The following SATL1 variants were observed in gnomAD, a reference collection of about 807,000 sequenced individuals.
The protein encoded by SATL1 is spermidine/spermine N(1)-acetyltransferase-like protein 1.
Under a neutral mutation model 51.8 loss-of-function variants are expected in SATL1, and 47 were observed. The ratio of observed to expected loss-of-function variants is 0.91; its 90% CI spans 0.72 to 1.16. SATL1 has a LOEUF of 1.16. Ranked by LOEUF, SATL1 falls within the 50% of genes most tolerant of loss-of-function variation. SATL1 has a pLI of 0.00. For synonymous variants in SATL1, 176 were observed against 182.4 expected, an observed-to-expected ratio of 0.97 and a Z score of 0.28; for missense variants, 520 against 526.4, an observed-to-expected ratio of 0.99 and a Z score of 0.12.
At chrX:85,178,542 GC>G (rs1253432288) in intron 2 of SATL1, among the ~76,000 whole-genome samples, 1 of 106,603 alleles carries the variant, frequency 9.4e-6, no homozygotes, top group East Asian at 2.9e-4. Flanking sequence ...CAACACAAGT[GC>G]CTGGCTTTTG....
At chrX:85,133,820 C>T (rs912855662) in intron 2 of SATL1, among the ~76,000 whole-genome samples, 4 of 111,856 alleles carry the variant, frequency 3.6e-5, no homozygotes, top group Non-Finnish European at 7.5e-5. Context: ...ATATTATTGC[C>T]TTATATTGCC....
intron 2 of SATL1, among the ~76,000 whole-genome samples, chrX:85,176,324 A>G (rs1387486034): frequency 2.7e-5 from 3 of 111,830 alleles, no homozygotes; most frequent in Admixed American, 9.6e-5. Flanking sequence ...ACAAATGCAT[A>G]TATCATTTGA....
intron 2 of SATL1, among the ~76,000 whole-genome samples, chrX:85,193,283 C>T (rs1307732624): frequency 9.0e-6 from 1 of 111,490 alleles, no homozygotes; most frequent in East Asian, 2.8e-4. Flanking sequence ...GAGGGTAACT[C>T]ACAAGATTCT....
intron 2 of SATL1, among the ~76,000 whole-genome samples, chrX:85,119,718 C>A (rs1925464139): frequency 9.0e-6 from 1 of 110,804 alleles, no homozygotes; most frequent in Non-Finnish European, 1.9e-5. Context: ...AAGTTAGAGC[C>A]TACTTTTTAT....
chrX:85,150,145 C>T (rs1370563390), intron 2 of SATL1, among the ~76,000 whole-genome samples: 10 of 111,193 alleles, frequency 9.0e-5, no homozygotes, highest in Non-Finnish European at 1.5e-4. Context: ...CACCACCGAT[C>T]CCCCAGAAAT....
intron 2 of SATL1, among the ~76,000 whole-genome samples, chrX:85,121,773 G>T (rs1925514145): frequency 9.3e-6 from 1 of 107,997 alleles, no homozygotes; most frequent in African/African-American, 3.4e-5. Flanking sequence ...TTAGACAGGA[G>T]GAATAAGTTC....
At chrX:85,203,585 TG>T (rs999746878) in intron 2 of SATL1, among the ~76,000 whole-genome samples, 2 of 111,275 alleles carry the variant, frequency 1.8e-5, no homozygotes, top group African/African-American at 6.5e-5. Flanking sequence ...AGACCCCAGT[TG>T]GGAGATTCTG....
intron 2 of SATL1, among the ~76,000 whole-genome samples, chrX:85,113,511 C>T (rs962550032): frequency 9.0e-6 from 1 of 111,210 alleles, no homozygotes; most frequent in East Asian, 2.8e-4. Flanking sequence ...GAGGAAAAAG[C>T]AGGGTTAGTC....
intron 2 of SATL1, among the ~76,000 whole-genome samples, chrX:85,146,799 T>A (rs1926252208): frequency 8.9e-6 from 1 of 112,658 alleles, no homozygotes; most frequent in Non-Finnish European, 1.9e-5. Flanking sequence ...GAAAGTCATA[T>A]TCTCCCTCTC....
chrX:85,095,423 C>T (rs1457212784), intron 4 of SATL1, among the ~76,000 whole-genome samples: 1 of 111,844 alleles, frequency 8.9e-6, no homozygotes, highest in Non-Finnish European at 1.9e-5. Flanking sequence ...CCAACCCCCA[C>T]GAGCTGAAGT....
intron 1 of SATL1, among the ~76,000 whole-genome samples, chrX:85,236,429 T>C (rs1387827063): frequency 2.7e-5 from 3 of 111,399 alleles, no homozygotes; most frequent in African/African-American, 9.7e-5. Context: ...TGAAAATTGA[T>C]GCAAAAATCC....
chrX:85,192,591 A>G (rs1189633692), intron 2 of SATL1, among the ~76,000 whole-genome samples: 2 of 111,707 alleles, frequency 1.8e-5, no homozygotes, highest in Non-Finnish European at 3.8e-5. Flanking sequence ...ACATTAAAAA[A>G]ACACATTCTT....
chrX:85,201,527 T>C (rs1415323860), intron 2 of SATL1, among the ~76,000 whole-genome samples: 2 of 111,348 alleles, frequency 1.8e-5, no homozygotes, highest in African/African-American at 6.5e-5. Context: ...TAAATATGTG[T>C]CACGGGAGTT....
intron 2 of SATL1, chrX:85,118,230 A>G (rs1409081470): frequency 9.2e-6 from 1 of 108,539 alleles, no homozygotes; most frequent in Non-Finnish European, 1.9e-5. Context: ...AACAGCCAGT[A>G]AAAGGTTATC....
chrX:85,178,605 A>G (rs1927131038), intron 2 of SATL1, among the ~76,000 whole-genome samples: 1 of 96,245 alleles, frequency 1.0e-5, no homozygotes, highest in African/African-American at 4.8e-5. Context: ...GCCCACACAA[A>G]ATGCTCAAAA....
At chrX:85,134,937 C>T (rs1320947398) in intron 2 of SATL1, among the ~76,000 whole-genome samples, 1 of 111,773 alleles carries the variant, frequency 8.9e-6, no homozygotes, top group African/African-American at 3.3e-5. Context: ...TTAAAAGTAA[C>T]AGTGACATGA....
chrX:85,216,940 C>T (rs1360487594), intron 2 of SATL1, among the ~76,000 whole-genome samples: 2 of 111,538 alleles, frequency 1.8e-5, no homozygotes, highest in East Asian at 2.8e-4. Flanking sequence ...AAATGGTGAC[C>T]CTTAAAGGTT....
At chrX:85,187,860 C>G (rs1927346815) in intron 2 of SATL1, among the ~76,000 whole-genome samples, 2 of 110,096 alleles carry the variant, frequency 1.8e-5, no homozygotes, top group South Asian at 7.6e-4. Context: ...AGAGTTCTTG[C>G]CTTTTAAAAA....
chrX:85,095,687 G>C (rs962360992), intron 4 of SATL1, among the ~76,000 whole-genome samples: 1 of 105,231 alleles, frequency 9.5e-6, no homozygotes, highest in Non-Finnish European at 2.0e-5. Flanking sequence ...TTAGCCGGGC[G>C]TAGTGGCGCG....
Sources: gnomAD v4.1 joint callset for allele counts (sites outside exome capture counted in the v4.1 genomes callset) on GRCh38, gnomAD v4.1.1 for gene constraint, MANE v1.5 for transcripts, NCBI Gene and HGNC (gene_info 2026-07-23, HGNC 2026-07-21) for gene names.